TLCD4: variants seen among roughly 807,000 people sequenced by gnomAD.
TLCD4 encodes TLC domain-containing protein 4.
Under a neutral mutation model 24.2 loss-of-function variants are expected in TLCD4, and 7 were observed. The ratio of observed to expected loss-of-function variants is 0.29; its 90% CI spans 0.16 to 0.54. The LOEUF is 0.54. TLCD4 is among the 20% of genes least tolerant of loss of function. TLCD4 has a pLI of 0.95. For synonymous variants in TLCD4, 103 were observed against 106.4 expected, an observed-to-expected ratio of 0.97 and a Z score of 0.20; for missense variants, 259 against 313.9, an observed-to-expected ratio of 0.82 and a Z score of 1.32.
chr1:95,160,096 C>G (rs543559768), intron 5 of TLCD4, among the ~76,000 whole-genome samples: 6 of 152,290 alleles, frequency 3.9e-5, no homozygotes, highest in Admixed American at 1.3e-4. Context: ...TTACCTTGGG[C>G]AGCATGGCCA....
chr1:95,155,235 G>T (rs540446125), intron 5 of TLCD4, among the ~76,000 whole-genome samples: 2 of 151,824 alleles, frequency 1.3e-5, no homozygotes, highest in South Asian at 4.2e-4. Flanking sequence ...TTCCATAATC[G>T]CTTGCTAAAA....
At chr1:95,178,301 C>A (rs1403329249) in intron 6 of TLCD4, among the ~76,000 whole-genome samples, 1 of 151,656 alleles carries the variant, frequency 6.6e-6, no homozygotes, top group African/African-American at 2.4e-5. Flanking sequence ...ACTCTGTCAC[C>A]CTGGCTGAAG....
intron 1 of TLCD4, among the ~76,000 whole-genome samples, chr1:95,142,730 T>C (rs1450471896): frequency 6.6e-6 from 1 of 152,064 alleles, no homozygotes; most frequent in Non-Finnish European, 1.5e-5. Flanking sequence ...GGTGGGCAGA[T>C]CACGAGGTCA....
intron 2 of TLCD4, among the ~76,000 whole-genome samples, chr1:95,146,670 C>T (rs1677358555): frequency 6.6e-6 from 1 of 151,968 alleles, no homozygotes; most frequent in Non-Finnish European, 1.5e-5. Flanking sequence ...TTTTTATTAA[C>T]AGAAGTTTCT....
intron 5 of TLCD4, among the ~76,000 whole-genome samples, chr1:95,166,766 G>A (rs930528875): frequency 6.6e-6 from 1 of 152,040 alleles, no homozygotes; most frequent in Admixed American, 6.6e-5. Flanking sequence ...GTCTCACTCT[G>A]TCACCCACGC....
rs1056495947 is a variant in TLCD4 at position 95,191,621 on chromosome 1, T to C, written c.545T>C (p.Val182Ala). ...AIVINGILMT[V>A]VFFIVRIASM... ...GTTATCAATGGAATACTCATGACAG[T>C]AGTATTCTTCATCGTGCGGATTGCC... is the stretch of plus-strand genomic sequence containing the variant. The change falls in exon 7 of 7, where the codon GTA (valine) becomes GCA (alanine). Residue 182 changes from valine (V) to alanine (A), a missense_variant. By Grantham distance (64) the Val-to-Ala change is moderately conservative (BLOSUM62 0). Coordinates refer to ENST00000370203, the MANE Select transcript of TLCD4 (RefSeq NM_152487.3). 2 of 1,614,070 alleles carry C rather than the reference T, an allele frequency of 1.2e-6. No individual in the cohort carries two copies. Among genetic ancestry groups the C allele is most frequent in the East Asian group, 4.5e-5 (2 of 44,884 alleles).
chr1:95,134,455 G>T (rs1676991385), intron 1 of TLCD4, among the ~76,000 whole-genome samples: 1 of 152,186 alleles, frequency 6.6e-6, no homozygotes, highest in Non-Finnish European at 1.5e-5. Context: ...GAGTGTGAGA[G>T]GCTGGGCAGC....
chr1:95,121,540 G>T (rs1676569506), intron 1 of TLCD4, among the ~76,000 whole-genome samples: 1 of 152,176 alleles, frequency 6.6e-6, no homozygotes, highest in African/African-American at 2.4e-5. Context: ...GCACAGTCTT[G>T]GCTCACTGCA....
intron 4 of TLCD4, among the ~76,000 whole-genome samples, chr1:95,150,827 T>C (rs1677473986): frequency 6.6e-6 from 1 of 152,168 alleles, no homozygotes; most frequent in African/African-American, 2.4e-5. Context: ...CCTATGACCA[T>C]CTTATCTCTG....
At chr1:95,162,246 C>T (rs1677835165) in intron 5 of TLCD4, among the ~76,000 whole-genome samples, 1 of 151,996 alleles carries the variant, frequency 6.6e-6, no homozygotes, top group East Asian at 1.9e-4. Context: ...ATTCCTTTAC[C>T]ATTATGTAAT....
At chr1:95,163,234 T>A (rs1381800763) in intron 5 of TLCD4, 1 of 152,176 alleles carries the variant, frequency 6.6e-6, no homozygotes, top group African/African-American at 2.4e-5. Context: ...CTCTTCTCAC[T>A]TCATTTCATT....
chr1:95,175,797 A>G (rs1678402446), intron 6 of TLCD4, among the ~76,000 whole-genome samples: 1 of 149,014 alleles, frequency 6.7e-6, no homozygotes, highest in South Asian at 2.1e-4. Flanking sequence ...TTTTTTGGAT[A>G]CAGGGTCTCA....
rs550963326 is a variant in TLCD4, at chr1:95,190,527, C to G, written c.474-1023C>G. On this transcript the variant is annotated intron_variant, in intron 6 of 6. Coordinates refer to ENST00000370203, the MANE Select transcript of TLCD4 (RefSeq NM_152487.3). The stretch of plus-strand genomic sequence containing the variant: ...TATTTTTAGTAGAGACGGGGTTTCA[C>G]TATCTTGGCCAGGCTGGTCTTGAAC... Among the ~76,000 whole-genome samples the G allele has an allele frequency of 2.6e-5, 4 of 152,208 alleles. No homozygotes were observed. The South Asian group carries it at 6.2e-4, about 24-fold the overall frequency.
rs1384843513 is a variant in TLCD4 at position 95,194,817 on chromosome 1, CTA to C, written c.*2950_*2951del. ...ACTTATAAAGTTTGCCTTCTTATGT[CTA>C]AAATCTTTTAAAGGATTATTTGCAT... On this transcript the variant is annotated 3_prime_UTR_variant, in exon 7 of 7. Coordinates refer to ENST00000370203, the MANE Select transcript of TLCD4 (RefSeq NM_152487.3). 2 of 151,964 alleles carry C rather than the reference CTA, an allele frequency of 1.3e-5. No individual in the cohort carries two copies. Among genetic ancestry groups the C allele is most frequent in the East Asian group, 3.9e-4 (2 of 5,180 alleles). 9.4% of individuals were successfully genotyped at this position (151,964 alleles called of 1,614,324 possible). A position where few individuals can be genotyped will look rare whatever the true frequency, so the allele number is the denominator to read the frequency against.
intron 6 of TLCD4, among the ~76,000 whole-genome samples, chr1:95,186,172 C>T: frequency 6.6e-6 from 1 of 152,078 alleles, no homozygotes; most frequent in East Asian, 1.9e-4. Flanking sequence ...CTTCATAGTA[C>T]AAAGGAGGTA....
At chr1:95,140,467 TC>T (rs567097363) in intron 1 of TLCD4, among the ~76,000 whole-genome samples, 118 of 152,338 alleles carry the variant, frequency 7.7e-4, no homozygotes, top group African/African-American at 2.7e-3. Context: ...TTCATGTTTT[TC>T]CCTACTAAGA....
chr1:95,157,308 A>G (rs1372682981), intron 5 of TLCD4, among the ~76,000 whole-genome samples: 1 of 152,192 alleles, frequency 6.6e-6, no homozygotes, highest in Non-Finnish European at 1.5e-5. Context: ...TCATATAAAT[A>G]TATAATATGT....
chr1:95,145,325 T>G (rs1677314517), intron 2 of TLCD4, among the ~76,000 whole-genome samples: 1 of 152,212 alleles, frequency 6.6e-6, no homozygotes, highest in African/African-American at 2.4e-5. Context: ...CATATTTGAT[T>G]TGAAATTCCC....
intron 1 of TLCD4, among the ~76,000 whole-genome samples, chr1:95,139,477 T>TTTTTTTTTTTTTTTA (rs1677141110): frequency 6.9e-6 from 1 of 144,802 alleles, no homozygotes; most frequent in Non-Finnish European, 1.5e-5. Flanking sequence ...TTTTTTTTTT[T>TTTTTTTTTTTTTTTA]GAGACAGTTT....
Sources: allele counts gnomAD v4.1 joint callset (sites outside exome capture counted in the v4.1 genomes callset), GRCh38; gene constraint gnomAD v4.1.1; transcripts MANE v1.5; gene names NCBI Gene and HGNC (gene_info 2026-07-23, HGNC 2026-07-21).